The following BEND2 variants were observed in gnomAD, a reference collection of about 807,000 sequenced individuals.
BEND2 encodes BEN domain-containing protein 2.
BEND2 carries 19 observed loss-of-function variants against 43.8 expected under a neutral mutation model. The observed-to-expected ratio is 0.43, with a 90% CI of 0.30 to 0.64. The LOEUF (loss-of-function observed/expected upper bound fraction) is 0.64, where lower values mean the gene tolerates loss of function less well. Ranked by LOEUF, BEND2 falls within the 30% of genes least tolerant of loss-of-function variation. BEND2 has a pLI of 0.11. For missense variants in BEND2, 544 were observed against 574.0 expected (o/e 0.95, Z 0.53); for synonymous variants, 226 against 210.1 (o/e 1.08, Z -0.66).
intron 12 of BEND2, among the ~76,000 whole-genome samples, chrX:18,171,959 A>G (rs754162167): frequency 6.3e-5 from 7 of 111,405 alleles, no homozygotes; most frequent in African/African-American, 9.8e-5. Context: ...TTCACTTTAC[A>G]TATTGTATCT....
intron 9 of BEND2, among the ~76,000 whole-genome samples, chrX:18,179,355 G>T (rs1398959741): frequency 2.3e-4 from 25 of 108,859 alleles, no homozygotes; most frequent in African/African-American, 7.7e-4. Context: ...TAGAGATGGG[G>T]TTTTGCTATG....
At position 18,174,112 on chromosome X, in the gene BEND2, G is replaced by A; in HGVS notation, c.1899C>T (p.Asn633=). ...MNNSKMREKR[N]LQPNSNAIPE... ...GGATAGCATTACTGTTTGGCTGCAA[G>A]TTCCTCTTTTCTCTCATTTTGGAGT... Residue 633 remains asparagine, a synonymous_variant, in exon 12 of 14, where the codon AAC becomes AAT. Coordinates refer to ENST00000380033, the MANE Select transcript of BEND2 (RefSeq NM_153346.5). 1.7e-6 allele frequency: 2 copies of A among 1,211,648 alleles called. No individual in the cohort carries two copies. The highest frequency in any genetic ancestry group is 2.2e-6 in the Non-Finnish European group (2 of 895,321).
chrX:18,176,193 G>T (rs1924146495), intron 10 of BEND2, 100 bp from the exon 11 acceptor site: 1 of 706,934 alleles, frequency 1.4e-6, no homozygotes, highest in Non-Finnish European at 2.0e-6. Context: ...TGGTTACATT[G>T]TGTAATGGTG....
chrX:18,182,572 C>T (rs1272588705), intron 8 of BEND2, among the ~76,000 whole-genome samples: 1 of 111,767 alleles, frequency 8.9e-6, no homozygotes, highest in Non-Finnish European at 1.9e-5. Context: ...AAGAACACTA[C>T]ATAACAATAA....
intron 6 of BEND2, among the ~76,000 whole-genome samples, chrX:18,201,418 CAAA>C (rs367821568): frequency 7.6e-5 from 4 of 52,818 alleles, no homozygotes; most frequent in African/African-American, 3.2e-4. Context: ...AAAAAAAAAA[CAAA>C]AAAAAAAAAA....
At chrX:18,196,216 T>C (rs777837704) in intron 6 of BEND2, among the ~76,000 whole-genome samples, 1 of 107,077 alleles carries the variant, frequency 9.3e-6, no homozygotes, top group East Asian at 3.0e-4. Flanking sequence ...AGAGAACTGC[T>C]TGAACCTGGG....
chrX:18,176,725 G>T (rs1341001617), intron 10 of BEND2, among the ~76,000 whole-genome samples: 1 of 110,783 alleles, frequency 9.0e-6, no homozygotes, highest in Non-Finnish European at 1.9e-5. Context: ...ACTATTTCAG[G>T]GTGCTCAGAC....
At chrX:18,219,390 A>T (rs964377629) in intron 1 of BEND2, among the ~76,000 whole-genome samples, 4 of 112,193 alleles carry the variant, frequency 3.6e-5, no homozygotes, top group Non-Finnish European at 7.5e-5. Flanking sequence ...GGCCTCCCCC[A>T]CTCCAAAGGG....
At chrX:18,173,124 C>T (rs1913232061) in intron 12 of BEND2, among the ~76,000 whole-genome samples, 1 of 111,352 alleles carries the variant, frequency 9.0e-6, no homozygotes, top group South Asian at 3.8e-4. Flanking sequence ...GACTGCTTGG[C>T]TCACAGTGGG....
At chrX:18,187,883 T>C (rs1164989206) in intron 8 of BEND2, among the ~76,000 whole-genome samples, 2 of 111,039 alleles carry the variant, frequency 1.8e-5, no homozygotes, top group Non-Finnish European at 3.8e-5. Context: ...AAACTATACA[T>C]GAAAATTAAA....
intron 8 of BEND2, 89 bp downstream of exon 8, chrX:18,190,912 A>G (rs1924749130): frequency 1.3e-6 from 1 of 787,603 alleles, no homozygotes; most frequent in African/African-American, 2.1e-5. Context: ...CTATTGGGGG[A>G]AACTGGGTAA....
intron 7 of BEND2, 29 bp downstream of exon 7, chrX:18,195,267 G>C (rs1924900515): frequency 1.1e-5 from 13 of 1,184,543 alleles, no homozygotes; most frequent in Non-Finnish European, 1.5e-5. Flanking sequence ...TGAGAGGCCT[G>C]CTTGTGATAT....
chrX:18,201,290 G>A (rs1925136370), intron 6 of BEND2, among the ~76,000 whole-genome samples: 1 of 102,709 alleles, frequency 9.7e-6, no homozygotes, highest in African/African-American at 3.5e-5. Flanking sequence ...CAGCTACTTG[G>A]GAGGCTGAGG....
chrX:18,212,418 TG>T (rs1925539507), intron 4 of BEND2, 146 bp downstream of exon 4: 1 of 422,122 alleles, frequency 2.4e-6, no homozygotes, highest in African/African-American at 2.5e-5. Context: ...ATTATCTTCA[TG>T]GGGTGTAAGT....
At chrX:18,189,272 C>T (rs779853788) in intron 8 of BEND2, among the ~76,000 whole-genome samples, 28 of 110,023 alleles carry the variant, frequency 2.5e-4, no homozygotes, top group African/African-American at 7.6e-4. Context: ...CTTTGGGAGG[C>T]CAAGGCGGGA....
rs1472432330 is a variant in BEND2, at chrX:18,163,041, A to G, written c.*1968T>C. The G allele has an allele frequency of 3.6e-5, 4 of 112,475 alleles. No individual in the cohort carries two copies. Among genetic ancestry groups the G allele is most frequent in the Non-Finnish European group, 7.5e-5 (4 of 53,287 alleles). The allele number at this position is 112,475 out of a possible 1,213,427, so 9.3% of individuals were successfully genotyped here. ...TGAGCAGGCATTTAAAATGTTTAAC[A>G]TTGGACTAATACAGTAATAGTATTA... On this transcript the variant is annotated 3_prime_UTR_variant, in exon 14 of 14. Coordinates refer to ENST00000380033, the MANE Select transcript of BEND2 (RefSeq NM_153346.5).
At chrX:18,208,642 A>G (rs780782659) in intron 4 of BEND2, among the ~76,000 whole-genome samples, 1 of 111,757 alleles carries the variant, frequency 8.9e-6, no homozygotes, top group Non-Finnish European at 1.9e-5. Context: ...TAAAGCCAAG[A>G]AAAAGAGAAT....
At chrX:18,170,437 A>G (rs900117291) in intron 13 of BEND2, among the ~76,000 whole-genome samples, 1 of 112,369 alleles carries the variant, frequency 8.9e-6, no homozygotes, top group Non-Finnish European at 1.9e-5. Flanking sequence ...ATGAAAATGT[A>G]TGATATGAAG....
intron 9 of BEND2, 117 bp downstream of exon 9, chrX:18,180,393 T>C: frequency 9.7e-7 from 1 of 1,034,070 alleles, no homozygotes; most frequent in South Asian, 2.4e-5. Flanking sequence ...GTTCTGAATA[T>C]CACCTAAAAC....
Sources: gnomAD v4.1 joint callset for allele counts (sites outside exome capture counted in the v4.1 genomes callset) on GRCh38, gnomAD v4.1.1 for gene constraint, MANE v1.5 for transcripts, NCBI Gene and HGNC (gene_info 2026-07-23, HGNC 2026-07-21) for gene names.